LGSN: variants seen among roughly 807,000 people sequenced by gnomAD.
The protein encoded by LGSN is lengsin.
Under a neutral mutation model 19.5 loss-of-function variants are expected in LGSN, and 21 were observed. The ratio of observed to expected loss-of-function variants is 1.07; its 90% CI spans 0.76 to 1.55. The LOEUF (loss-of-function observed/expected upper bound fraction) is 1.55, where lower values mean the gene tolerates loss of function less well. LGSN is among the 40% of genes most tolerant of loss of function. The pLI, the probability that LGSN is intolerant of heterozygous loss-of-function variation, is 0.00. For missense variants in LGSN, 673 were observed against 608.5 expected (o/e 1.11, Z -1.12); for synonymous variants, 257 against 215.6 (o/e 1.19, Z -1.68).
chr6:63,384,241 T>G, the LGSN span, among the ~76,000 whole-genome samples: 1 of 152,216 alleles, frequency 6.6e-6, no homozygotes, highest in Non-Finnish European at 1.5e-5. Context: ...GGTTACCCCA[T>G]TTTCAGTTCC....
chr6:63,456,552 C>T, the LGSN span, among the ~76,000 whole-genome samples: 1 of 151,336 alleles, frequency 6.6e-6, no homozygotes, highest in Non-Finnish European at 1.5e-5. Context: ...TTTTTTTGTT[C>T]AGGTTGACAG....
chr6:63,313,790 T>A (rs556973091), intron 1 of LGSN, among the ~76,000 whole-genome samples: 69 of 151,952 alleles, frequency 4.5e-4, no homozygotes, highest in African/African-American at 1.5e-3. Flanking sequence ...GAGCCAAGAT[T>A]GCACCACTGC....
the LGSN span, among the ~76,000 whole-genome samples, chr6:63,393,886 G>T: frequency 6.6e-6 from 1 of 152,146 alleles, no homozygotes; most frequent in Non-Finnish European, 1.5e-5. Flanking sequence ...AGATCTACTG[G>T]GCTGCATTCC....
chr6:63,416,954 C>T, the LGSN span, among the ~76,000 whole-genome samples: 1 of 149,846 alleles, frequency 6.7e-6, no homozygotes, highest in African/African-American at 2.4e-5. Context: ...CACACACACA[C>T]ACACATTTAA....
At chr6:63,460,960 T>A in the LGSN span, among the ~76,000 whole-genome samples, 2 of 152,202 alleles carry the variant, frequency 1.3e-5, no homozygotes, top group South Asian at 4.1e-4. Context: ...CTACACTGAA[T>A]GTCTGGCATG....
chr6:63,310,888 T>C (rs996290517), intron 1 of LGSN, among the ~76,000 whole-genome samples: 2 of 152,212 alleles, frequency 1.3e-5, no homozygotes, highest in African/African-American at 4.8e-5. Flanking sequence ...TAGAACTCTC[T>C]AGTGAAGGTT....
the LGSN span, among the ~76,000 whole-genome samples, chr6:63,527,093 T>C: frequency 9.7e-4 from 147 of 152,212 alleles, no homozygotes; most frequent in African/African-American, 3.2e-3. Context: ...AGAGTCCTTA[T>C]TGAATATACA....
chr6:63,567,978 CCT>C, the LGSN span, among the ~76,000 whole-genome samples: 2 of 152,214 alleles, frequency 1.3e-5, no homozygotes, highest in African/African-American at 4.8e-5. Context: ...AACTTCCTCA[CCT>C]CTCTCAGCCT....
At chr6:63,552,350 T>C in the LGSN span, among the ~76,000 whole-genome samples, 1 of 152,236 alleles carries the variant, frequency 6.6e-6, no homozygotes, top group African/African-American at 2.4e-5. Context: ...AAGTGTCTGT[T>C]CATGTCCTTT....
chr6:63,284,700 A>T (rs546622420), intron 3 of LGSN, among the ~76,000 whole-genome samples: 1 of 152,332 alleles, frequency 6.6e-6, no homozygotes, highest in East Asian at 1.9e-4. Context: ...TATAAAAATT[A>T]AACAACATGT....
chr6:63,508,254 C>A, the LGSN span, among the ~76,000 whole-genome samples: 5 of 152,142 alleles, frequency 3.3e-5, no homozygotes, highest in African/African-American at 7.2e-5. Context: ...CATTCTTAGG[C>A]TCATTTTCCT....
the LGSN span, among the ~76,000 whole-genome samples, chr6:63,513,428 T>C: frequency 6.6e-6 from 1 of 151,776 alleles, no homozygotes; most frequent in Non-Finnish European, 1.5e-5. Flanking sequence ...TTTTTTTTTT[T>C]ATAAGGGGAG....
chr6:63,573,365 C>A, the LGSN span: 1 of 152,354 alleles, frequency 6.6e-6, no homozygotes, highest in South Asian at 2.1e-4. Context: ...CTCGGAGCTC[C>A]GGGGTGGGCG....
the LGSN span, among the ~76,000 whole-genome samples, chr6:63,449,541 C>CA: frequency 4.2e-3 from 454 of 106,964 alleles, 2 homozygotes; most frequent in Non-Finnish European, 5.7e-3. Context: ...GAGACTCCGT[C>CA]AAAAAAAAAA....
At chr6:63,364,565 T>G in the LGSN span, among the ~76,000 whole-genome samples, 2 of 152,150 alleles carry the variant, frequency 1.3e-5, no homozygotes, top group African/African-American at 2.4e-5. Flanking sequence ...GGAATTGAAC[T>G]CAGCTCTGCA....
the LGSN span, among the ~76,000 whole-genome samples, chr6:63,469,127 C>A: frequency 6.6e-6 from 1 of 152,080 alleles, no homozygotes; most frequent in African/African-American, 2.4e-5. Context: ...TAAGTCACTG[C>A]TATTATAGGA....
chr6:63,560,991 A>T, the LGSN span, among the ~76,000 whole-genome samples: 2 of 152,244 alleles, frequency 1.3e-5, no homozygotes, highest in African/African-American at 4.8e-5. Flanking sequence ...GAAGGATGAA[A>T]TATAAGCCCA....
intron 1 of LGSN, among the ~76,000 whole-genome samples, chr6:63,308,957 C>T (rs550975101): frequency 3.3e-4 from 51 of 152,250 alleles, no homozygotes; most frequent in African/African-American, 1.1e-3. Context: ...TTAAAAATAT[C>T]CGTACCTATT....
At chr6:63,381,915 TG>T in the LGSN span, among the ~76,000 whole-genome samples, 1 of 152,220 alleles carries the variant, frequency 6.6e-6, no homozygotes, top group Non-Finnish European at 1.5e-5. Flanking sequence ...GGGATAATAT[TG>T]TTTTTTTAAT....
Sources: allele counts gnomAD v4.1 joint callset (sites outside exome capture counted in the v4.1 genomes callset), GRCh38; gene constraint gnomAD v4.1.1; transcripts MANE v1.5; gene names NCBI Gene and HGNC (gene_info 2026-07-23, HGNC 2026-07-21).